Variants in SUSD1 observed in about 807,000 individuals in gnomAD.
The protein encoded by SUSD1 is sushi domain-containing protein 1.
A neutral mutation model predicts 86.9 loss-of-function variants in SUSD1; 65 were observed. The ratio of observed to expected loss-of-function variants is 0.75; its 90% CI spans 0.61 to 0.92. The LOEUF (loss-of-function observed/expected upper bound fraction) is 0.92. SUSD1 is among the 40% of genes least tolerant of loss of function. SUSD1 has a pLI of 0.00. For synonymous variants in SUSD1, 346 were observed against 350.0 expected (o/e 0.99, Z 0.13); for missense variants, 850 against 929.7 (o/e 0.91, Z 1.11).
intron 1 of SUSD1, among the ~76,000 whole-genome samples, chr9:112,157,931 C>T (rs1833406274): frequency 6.6e-6 from 1 of 151,574 alleles, no homozygotes; most frequent in Non-Finnish European, 1.5e-5. Context: ...GAAGGTGAAC[C>T]TCCCACCTCA....
At chr9:112,077,499 CTTTTTTTTTTTTTTTTTTT>C (rs869259276) in intron 12 of SUSD1, among the ~76,000 whole-genome samples, 1 of 66,420 alleles carries the variant, frequency 1.5e-5, no homozygotes, top group East Asian at 5.3e-4. Flanking sequence ...TAGTAATCTA[CTTTTTTTTTTTTTTTTTTT>C]TTTTTTTTTT....
At chr9:112,094,856 A>G (rs1177693062) in intron 10 of SUSD1, among the ~76,000 whole-genome samples, 1 of 152,240 alleles carries the variant, frequency 6.6e-6, no homozygotes, top group Non-Finnish European at 1.5e-5. Context: ...AACATGTTTA[A>G]AAAGAGAATC....
chr9:112,146,736 A>G (rs548656361), intron 3 of SUSD1, among the ~76,000 whole-genome samples: 4 of 152,130 alleles, frequency 2.6e-5, no homozygotes, highest in Non-Finnish European at 5.9e-5. Context: ...CCTGGGCTCC[A>G]GCGATCCTCC....
chr9:112,135,042 G>A (rs1480680555), intron 5 of SUSD1, among the ~76,000 whole-genome samples: 1 of 151,414 alleles, frequency 6.6e-6, no homozygotes, highest in African/African-American at 2.4e-5. Context: ...CTCCAGCCTG[G>A]GCAACAAGAG....
intron 12 of SUSD1, among the ~76,000 whole-genome samples, chr9:112,074,633 A>G (rs1048477810): frequency 5.3e-5 from 8 of 152,138 alleles, no homozygotes; most frequent in Non-Finnish European, 1.2e-4. Context: ...GAGCAGCTAC[A>G]TTGTCCAGAC....
intron 3 of SUSD1, among the ~76,000 whole-genome samples, chr9:112,148,504 G>C (rs1832903688): frequency 6.6e-6 from 1 of 152,058 alleles, no homozygotes; most frequent in African/African-American, 2.4e-5. Flanking sequence ...CCCCAGATTA[G>C]TGTGCTCTGA....
In SUSD1 at chr9:112,102,162, A is replaced by C. The variant is rs771653846; in HGVS notation, c.1281+14T>G. ...ACACAATTCTTTAATGGAAAGCATAAGAGATCTCCTTACTTGGTACATGTG... is the reference window on the plus strand; with the variant it reads ...ACACAATTCTTTAATGGAAAGCATACGAGATCTCCTTACTTGGTACATGTG... On this transcript the variant is annotated intron_variant, in intron 9 of 16. Coordinates refer to ENST00000374270, the MANE Select transcript of SUSD1 (RefSeq NM_022486.5). 25 of 1,432,324 alleles carry C rather than the reference A, an allele frequency of 1.7e-5. No homozygotes were observed. The highest frequency in any genetic ancestry group is 2.9e-5 in the African/African-American group (2 of 68,764). 88.7% of individuals were successfully genotyped at this position (1,432,324 alleles called of 1,614,324 possible). A position where few individuals can be genotyped will look rare whatever the true frequency, so the allele number is the denominator to read the frequency against.
At chr9:112,164,906 TG>T (rs555769621) in intron 1 of SUSD1, among the ~76,000 whole-genome samples, 89 of 152,210 alleles carry the variant, frequency 5.8e-4, no homozygotes, top group South Asian at 4.6e-3. Context: ...ATTGCACCAC[TG>T]GCACTCCAGC....
At chr9:112,161,379 C>CAAA (rs34987440) in intron 1 of SUSD1, among the ~76,000 whole-genome samples, 5 of 139,390 alleles carry the variant, frequency 3.6e-5, no homozygotes, top group Admixed American at 2.9e-4. Context: ...GACTTCATCT[C>CAAA]AAAAAAAAAA....
At chr9:112,133,244 C>G (rs1832107935) in intron 5 of SUSD1, among the ~76,000 whole-genome samples, 1 of 152,186 alleles carries the variant, frequency 6.6e-6, no homozygotes, top group South Asian at 2.1e-4. Context: ...CACCACACTC[C>G]ACCCTGGGCA....
At chr9:112,124,177 G>T (rs1831667276) in intron 6 of SUSD1, 80 bp downstream of exon 6, 4 of 1,399,294 alleles carry the variant, frequency 2.9e-6, no homozygotes, top group Non-Finnish European at 2.0e-6. Flanking sequence ...GAGTGAAGCA[G>T]CAATCAGATA....
chr9:112,078,863 G>T (rs1829645156), intron 11 of SUSD1, 139 bp from the exon 12 acceptor site: 5 of 675,360 alleles, frequency 7.4e-6, no homozygotes, highest in South Asian at 2.2e-5. Flanking sequence ...ACCCATGCTG[G>T]AGTGCAGTGG....
At chr9:112,136,417 A>G (rs766478694) in intron 5 of SUSD1, among the ~76,000 whole-genome samples, 119 of 152,134 alleles carry the variant, frequency 7.8e-4, no homozygotes, top group Non-Finnish European at 1.6e-3. Flanking sequence ...ATGTTTTCGT[A>G]GAGACAAGGT....
chr9:112,089,027 A>T (rs1830095511), intron 10 of SUSD1, among the ~76,000 whole-genome samples: 1 of 152,214 alleles, frequency 6.6e-6, no homozygotes, highest in South Asian at 2.1e-4. Flanking sequence ...GGATCACTTG[A>T]GTCTGGGAAG....
rs1386849832 is a variant in SUSD1 at position 112,165,872 on chromosome 9, A to AG, written c.104-8260dup. The stretch of plus-strand genomic sequence containing the variant: ...AGAAAGAGAAGGAAGGAAGGAAGGA[A>AG]GAAAGAGAAAGAAAAAGAAAGAAAG... On this transcript the variant is annotated intron_variant, in intron 1 of 16. Transcript: ENST00000374270. 2.2e-5 allele frequency among the ~76,000 whole-genome samples: 3 copies of AG among 134,322 alleles called. 1 individual carries two copies. Among genetic ancestry groups the AG allele is most frequent in the African/African-American group, 7.9e-5 (3 of 37,792 alleles). The allele number at this position is 134,322 out of a possible 152,430, so 88.1% of individuals were successfully genotyped here.
intron 1 of SUSD1, chr9:112,169,341 T>C (rs1033394647): frequency 1.0e-4 from 15 of 150,584 alleles, no homozygotes; most frequent in African/African-American, 3.7e-4. Context: ...CAGTTACAGA[T>C]CAAACTTCTC....
At chr9:112,074,829 A>C (rs923451090) in intron 12 of SUSD1, among the ~76,000 whole-genome samples, 3 of 151,748 alleles carry the variant, frequency 2.0e-5, no homozygotes, top group Non-Finnish European at 4.4e-5. Context: ...ATAAGATCAA[A>C]GCAACTTGAT....
At chr9:112,161,486 A>G (rs559051334) in intron 1 of SUSD1, among the ~76,000 whole-genome samples, 3 of 152,180 alleles carry the variant, frequency 2.0e-5, no homozygotes, top group African/African-American at 7.2e-5. Flanking sequence ...CAACCCTACA[A>G]TGATGAACAT....
chr9:112,134,370 ATAC>A (rs1266944999), intron 5 of SUSD1, among the ~76,000 whole-genome samples: 9 of 152,212 alleles, frequency 5.9e-5, no homozygotes, highest in African/African-American at 2.2e-4. Context: ...ACACCATGGA[ATAC>A]TACACAACCA....
Sources: gnomAD v4.1 joint callset for allele counts (sites outside exome capture counted in the v4.1 genomes callset) on GRCh38, gnomAD v4.1.1 for gene constraint, MANE v1.5 for transcripts, NCBI Gene and HGNC (gene_info 2026-07-23, HGNC 2026-07-21) for gene names.